UACA: variants seen among roughly 807,000 people sequenced by gnomAD.
UACA encodes the protein uveal autoantigen with coiled-coil domains and ankyrin repeats.
In UACA, 112 loss-of-function variants were observed where a neutral mutation model predicts 160.5. That is an observed-to-expected ratio of 0.70 (90% CI 0.60 to 0.82). The LOEUF (loss-of-function observed/expected upper bound fraction) is 0.82. Among genes scored for constraint, UACA ranks in the 40% least tolerant of loss-of-function variants. The probability of loss-of-function intolerance (pLI) is 0.00; values close to 1 mark genes in which losing one functional copy is unlikely to be tolerated. For synonymous variants in UACA, 557 were observed against 568.4 expected, an observed-to-expected ratio of 0.98 and a Z score of 0.29; for missense variants, 1,574 against 1,614.6, an observed-to-expected ratio of 0.97 and a Z score of 0.43.
chr15:70,751,654 G>T (rs1336101676), intron 1 of UACA, among the ~76,000 whole-genome samples: 2 of 152,102 alleles, frequency 1.3e-5, no homozygotes, highest in Non-Finnish European at 2.9e-5. Flanking sequence ...GAGTGGCAAG[G>T]CTCACACCCA....
chr15:70,691,960 A>C (rs1010070799), intron 3 of UACA, among the ~76,000 whole-genome samples: 2 of 152,162 alleles, frequency 1.3e-5, no homozygotes, highest in Admixed American at 1.3e-4. Context: ...TAGGGAGGAG[A>C]GGTTACCAGG....
chr15:70,762,944 G>A (rs182872142), intron 1 of UACA, among the ~76,000 whole-genome samples: 151 of 152,312 alleles, frequency 9.9e-4, no homozygotes, highest in Non-Finnish European at 1.8e-3. Context: ...ACACGGCCGA[G>A]CGGGCGTGGG....
At position 70,668,344 on chromosome 15, in the gene UACA, C is replaced by T. The variant is rs1897008925; in HGVS notation, c.2340G>A (p.Leu780=). The change falls in exon 16 of 19, where the codon TTG becomes TTA. Residue 780 remains leucine, a synonymous_variant. Coordinates refer to ENST00000322954, the MANE Select transcript of UACA (RefSeq NM_018003.4). ...DVTQKYTEKK[L]EMEKLLLEND... ...TTTCCAGTAGCAATTTCTCCATTTC[C>T]AACTTCTTTTCTGTATATTTTTGTG... is the stretch of plus-strand genomic sequence containing the variant. 1 of 1,609,778 alleles carries T rather than the reference C, an allele frequency of 6.2e-7. No individual in the cohort carries two copies. The highest frequency in any genetic ancestry group is 2.2e-5 in the East Asian group (1 of 44,820).
Position 70,654,853 on chromosome 15 carries a change from C to T in UACA, c.*2203G>A, listed in dbSNP as rs932231950. ...CCAGCATTGTCCATTATCTATGTTC[C>T]GCTTGTTTACTAATTAAAAAGCTTT... On this transcript the variant is annotated 3_prime_UTR_variant, in exon 19 of 19. Coordinates refer to ENST00000322954, the MANE Select transcript of UACA (RefSeq NM_018003.4). The T allele has an allele frequency of 2.6e-5, 4 of 152,166 alleles. No individual in the cohort carries two copies. The highest frequency in any genetic ancestry group is 7.2e-5 in the African/African-American group (3 of 41,426). The allele number at this position is 152,166 out of a possible 1,614,324, so 9.4% of individuals were successfully genotyped here.
intron 1 of UACA, chr15:70,701,891 T>C (rs991327201): frequency 6.2e-7 from 1 of 1,613,288 alleles, no homozygotes; most frequent in Non-Finnish European, 8.5e-7. Flanking sequence ...TTCTTAGGAG[T>C]ACAAGAAAAC....
At chr15:70,722,174 C>A (rs142064735) in intron 1 of UACA, among the ~76,000 whole-genome samples, 2 of 152,062 alleles carry the variant, frequency 1.3e-5, no homozygotes, top group Admixed American at 6.6e-5. Context: ...AACCCCTTAA[C>A]GGCCTTCAAA....
At chr15:70,682,831 C>G in intron 8 of UACA, 36 bp from the exon 9 acceptor site, 1 of 1,514,200 alleles carries the variant, frequency 6.6e-7, no homozygotes, top group South Asian at 1.3e-5. Flanking sequence ...AACAAAATGG[C>G]AGGTTAACTT....
intron 3 of UACA, among the ~76,000 whole-genome samples, chr15:70,694,091 A>G (rs1181470472): frequency 6.6e-6 from 1 of 152,170 alleles, no homozygotes. Flanking sequence ...AAAAACTGTA[A>G]AAACTAACAA....
intron 1 of UACA, chr15:70,703,097 C>T (rs748038545): frequency 7.8e-7 from 1 of 1,288,624 alleles, no homozygotes. Flanking sequence ...AACTTCTCTG[C>T]ATTCTCTACG....
chr15:70,744,479 T>C (rs192930551), intron 1 of UACA, among the ~76,000 whole-genome samples: 3 of 152,172 alleles, frequency 2.0e-5, no homozygotes, highest in East Asian at 3.9e-4. Context: ...TAATAGACTA[T>C]AAACTTATTA....
At chr15:70,744,478 A>G (rs1053340702) in intron 1 of UACA, among the ~76,000 whole-genome samples, 3 of 152,154 alleles carry the variant, frequency 2.0e-5, no homozygotes, top group African/African-American at 7.2e-5. Context: ...ATAATAGACT[A>G]TAAACTTATT....
At chr15:70,701,071 GAAA>G (rs1381316610) in intron 1 of UACA, among the ~76,000 whole-genome samples, 1 of 151,974 alleles carries the variant, frequency 6.6e-6, no homozygotes, top group Non-Finnish European at 1.5e-5. Flanking sequence ...AACTGAATAT[GAAA>G]AAAAGACAAA....
At chr15:70,721,162 T>A (rs574557466) in intron 1 of UACA, among the ~76,000 whole-genome samples, 3 of 152,146 alleles carry the variant, frequency 2.0e-5, no homozygotes, top group Non-Finnish European at 4.4e-5. Context: ...TTCTGGTAGT[T>A]GAATATAGTG....
intron 1 of UACA, among the ~76,000 whole-genome samples, chr15:70,727,898 C>G (rs1899194733): frequency 6.6e-6 from 1 of 152,134 alleles, no homozygotes; most frequent in Admixed American, 6.5e-5. Flanking sequence ...TATTCTTTCC[C>G]TGAACCACCT....
intron 1 of UACA, chr15:70,749,207 G>A (rs1168687299): frequency 8.9e-6 from 4 of 448,200 alleles, no homozygotes; most frequent in Non-Finnish European, 1.8e-5. Flanking sequence ...TGTTATGTAT[G>A]TTTCAATTTT....
chr15:70,723,879 G>A (rs1217442044), intron 1 of UACA, among the ~76,000 whole-genome samples: 1 of 151,936 alleles, frequency 6.6e-6, no homozygotes, highest in Non-Finnish European at 1.5e-5. Flanking sequence ...TGATCCACCC[G>A]CCTCGGCCTC....
At chr15:70,761,927 GC>G (rs2030783443) in intron 1 of UACA, among the ~76,000 whole-genome samples, 1 of 152,072 alleles carries the variant, frequency 6.6e-6, no homozygotes, top group Non-Finnish European at 1.5e-5. Context: ...GGAAAACAAA[GC>G]TAATAAATCT....
the UACA span, among the ~76,000 whole-genome samples, chr15:70,777,299 A>G: frequency 6.6e-6 from 1 of 152,306 alleles, no homozygotes; most frequent in East Asian, 1.9e-4. Context: ...TGAGATGTCT[A>G]TTACATATCC....
rs192296258 is a variant in UACA, at chr15:70,655,101, C to T, written c.*1955G>A. The T allele has an allele frequency of 3.3e-3, 498 of 152,210 alleles. 4 individuals carry two copies. Among genetic ancestry groups the T allele is most frequent in the African/African-American group, 0.011 (474 of 41,532 alleles). The allele number at this position is 152,210 out of a possible 1,614,324, so 9.4% of individuals were successfully genotyped here. On this transcript the variant is annotated 3_prime_UTR_variant, in exon 19 of 19. Transcript: ENST00000322954. ...AAATCTTTTACAAGGATGTTCAAAACAATATTCTAGAGAAAACTTTATTGA... is the reference window on the plus strand; with the variant it reads ...AAATCTTTTACAAGGATGTTCAAAATAATATTCTAGAGAAAACTTTATTGA...
Sources: gnomAD v4.1 joint callset for allele counts (sites outside exome capture counted in the v4.1 genomes callset) on GRCh38, gnomAD v4.1.1 for gene constraint, MANE v1.5 for transcripts, NCBI Gene and HGNC (gene_info 2026-07-23, HGNC 2026-07-21) for gene names.